NUDT19: variants seen among roughly 807,000 people sequenced by gnomAD.
The protein encoded by NUDT19 is nudix hydrolase 19, also known as acyl-coenzyme A diphosphatase NUDT19.
A neutral mutation model predicts 22.2 loss-of-function variants in NUDT19; 31 were observed. That is an observed-to-expected ratio of 1.40 (90% CI 1.05 to 1.89). The LOEUF is 1.89. Among genes scored for constraint, NUDT19 ranks in the 40% most tolerant of loss-of-function variants. The pLI, the probability that NUDT19 is intolerant of heterozygous loss-of-function variation, is 0.00. For synonymous variants in NUDT19, 325 were observed against 230.8 expected (o/e 1.41, Z -3.70); for missense variants, 752 against 514.2 (o/e 1.46, Z -4.47).
chr19:32,701,199 G>GTTTTTTTTT (rs3042685), intron 1 of NUDT19, among the ~76,000 whole-genome samples: 1 of 101,032 alleles, frequency 9.9e-6, no homozygotes. Context: ...CATCTTGCAG[G>GTTTTTTTTT]TTTTTTTTTT....
rs142636976 is a variant in NUDT19 at position 32,712,245 on chromosome 19, T to A, written c.*288T>A. 1.5e-5 allele frequency: 4 copies of A among 270,304 alleles called. No homozygotes were observed. The highest frequency in any genetic ancestry group is 9.0e-5 in the East Asian group (1 of 11,116). The allele number at this position is 270,304 out of a possible 1,614,324, so 16.7% of individuals were successfully genotyped here. A position where few individuals can be genotyped will look rare whatever the true frequency, so the allele number is the denominator to read the frequency against. On this transcript the variant is annotated 3_prime_UTR_variant, in exon 3 of 3. Transcript: ENST00000397061. ...GCCCGCCACCATGCCCAGCTAATTT[T>A]TTTTTGTATTTTTAGTAGAGACGGG...
At chr19:32,703,770 C>T (rs1277282473) in intron 1 of NUDT19, among the ~76,000 whole-genome samples, 2 of 142,138 alleles carry the variant, frequency 1.4e-5, no homozygotes, top group African/African-American at 5.2e-5. Flanking sequence ...TCAAGTGATT[C>T]TCCTGCCTCA....
chr19:32,707,550 A>G (rs993985453), intron 1 of NUDT19, among the ~76,000 whole-genome samples: 3 of 152,332 alleles, frequency 2.0e-5, no homozygotes, highest in African/African-American at 4.8e-5. Context: ...AACCAAGTAA[A>G]GAACAACCTT....
chr19:32,692,750 C>G lies in NUDT19; in HGVS notation c.714+76C>G, dbSNP rs1259756278. The G allele has an allele frequency of 6.8e-6, 8 of 1,176,242 alleles. No homozygotes were observed. The Admixed American group carries it at 1.4e-4, about 20-fold the overall frequency. The allele number at this position is 1,176,242 out of a possible 1,614,324, so 72.9% of individuals were successfully genotyped here. ...GACCCCTCCCAGCGGCCCAGGCCCC[C>G]AAGGGACCCCCGCATAGGCCAAGCC... is the stretch of plus-strand genomic sequence containing the variant. On this transcript the variant is annotated intron_variant, in intron 1 of 2. Transcript: ENST00000397061.
At chr19:32,697,501 C>T (rs772909413) in intron 1 of NUDT19, among the ~76,000 whole-genome samples, 5 of 152,096 alleles carry the variant, frequency 3.3e-5, no homozygotes, top group Non-Finnish European at 5.9e-5. Context: ...TGGGCTTTTT[C>T]CTAATACTCC....
At position 32,692,554 on chromosome 19, in the gene NUDT19, C is replaced by T. The variant is rs994040130; in HGVS notation, c.594C>T (p.Ser198=). Reference sequence around the variant, plus strand: ...ACATCTGGGCGCTGCACAACTGGAGCGCCTGGCTCACCCCTTTCTTGCGGG... The same window carrying T: ...ACATCTGGGCGCTGCACAACTGGAGTGCCTGGCTCACCCCTTTCTTGCGGG... ...TPDIWALHNW[S]AWLTPFLRGT... The change falls in exon 1 of 3, where the codon AGC becomes AGT. Residue 198 remains serine (S), a synonymous_variant. Coordinates refer to ENST00000397061, the MANE Select transcript of NUDT19 (RefSeq NM_001105570.2). The T allele has an allele frequency of 1.3e-6, 2 of 1,597,112 alleles. No homozygotes were observed. Among genetic ancestry groups the T allele is most frequent in the Non-Finnish European group, 1.7e-6 (2 of 1,173,836 alleles).
At chr19:32,694,362 T>A (rs1209369950) in intron 1 of NUDT19, among the ~76,000 whole-genome samples, 1 of 152,178 alleles carries the variant, frequency 6.6e-6, no homozygotes, top group Non-Finnish European at 1.5e-5. Flanking sequence ...AGTGAGGAGG[T>A]CTAGGCCTCG....
At position 32,712,371 on chromosome 19, in the gene NUDT19, C is replaced by T. The variant is rs1968457744; in HGVS notation, c.*414C>T. 7.1e-6 allele frequency: 1 copy of T among 140,486 alleles called. No individual in the cohort carries two copies. The highest frequency in any genetic ancestry group is 2.8e-5 in the African/African-American group (1 of 35,992). 8.7% of individuals were successfully genotyped at this position (140,486 alleles called of 1,614,324 possible). On this transcript the variant is annotated 3_prime_UTR_variant, in exon 3 of 3. Transcript: ENST00000397061. ...GGATTACAGGTGTGGGCCACCACAC[C>T]CAGCCTTTTTTTTTTTTTTTTTTTT...
In NUDT19 at chr19:32,712,232, GC is replaced by G; in HGVS notation, c.*278del. 1 of 297,672 alleles carries G rather than the reference GC, an allele frequency of 3.4e-6. No homozygotes were observed. Among genetic ancestry groups the G allele is most frequent in the Non-Finnish European group, 6.3e-6 (1 of 159,738 alleles). The allele number at this position is 297,672 out of a possible 1,614,324, so 18.4% of individuals were successfully genotyped here. On this transcript the variant is annotated 3_prime_UTR_variant, in exon 3 of 3. Transcript: ENST00000397061. ...TGGGACTACAGGCGCCCGCCACCAT[GC>G]CCAGCTAATTTTTTTTTGTATTTTT...
chr19:32,704,975 C>G lies in NUDT19; in HGVS notation c.715-4210C>G, dbSNP rs533503912. Among the ~76,000 whole-genome samples the G allele has an allele frequency of 3.2e-4, 49 of 151,734 alleles. No homozygotes were observed. In the South Asian group the frequency reaches 0.01, roughly 31 times the overall value. On this transcript the variant is annotated intron_variant, in intron 1 of 2. Transcript: ENST00000397061. Reference sequence around the variant, plus strand: ...TACAAAAATTAGCTGGGCATGGTGGCAGGCACCTGTAATCCCAGCTACTTG... The same window carrying G: ...TACAAAAATTAGCTGGGCATGGTGGGAGGCACCTGTAATCCCAGCTACTTG...
In NUDT19 at chr19:32,692,556, C is replaced by T. The variant is rs2145353594; in HGVS notation, c.596C>T (p.Ala199Val). 6.3e-7 allele frequency: 1 copy of T among 1,597,520 alleles called. No individual in the cohort carries two copies. The highest frequency in any genetic ancestry group is 8.5e-7 in the Non-Finnish European group (1 of 1,174,038). The change falls in exon 1 of 3, where the codon GCC (alanine) becomes GTC (valine). Residue 199 changes from alanine to valine, a missense_variant. Ala to Val is a moderately conservative substitution (Grantham distance 64, BLOSUM62 0). Coordinates refer to ENST00000397061, the MANE Select transcript of NUDT19 (RefSeq NM_001105570.2). ...PDIWALHNWS[A>V]WLTPFLRGTT... Reference sequence around the variant, plus strand: ...ATCTGGGCGCTGCACAACTGGAGCGCCTGGCTCACCCCTTTCTTGCGGGGC... The same window carrying T: ...ATCTGGGCGCTGCACAACTGGAGCGTCTGGCTCACCCCTTTCTTGCGGGGC...
chr19:32,692,567 C>G lies in NUDT19; in HGVS notation c.607C>G (p.Pro203Ala). The change falls in exon 1 of 3, where the codon CCT (proline) becomes GCT (alanine). Residue 203 changes from proline (P) to alanine (A), a missense_variant. Transcript: ENST00000397061. ...ALHNWSAWLT[P>A]FLRGTTRRFD... is the part of the protein sequence containing the mutation. ...GCACAACTGGAGCGCCTGGCTCACCCCTTTCTTGCGGGGCACCACTCGCCG... is the reference window on the plus strand; with the variant it reads ...GCACAACTGGAGCGCCTGGCTCACCGCTTTCTTGCGGGGCACCACTCGCCG... 2 of 1,597,374 alleles carry G rather than the reference C, an allele frequency of 1.3e-6. No homozygotes were observed. The highest frequency in any genetic ancestry group is 1.7e-6 in the Non-Finnish European group (2 of 1,173,980).
At chr19:32,702,276 C>G (rs1968343798) in intron 1 of NUDT19, among the ~76,000 whole-genome samples, 1 of 152,178 alleles carries the variant, frequency 6.6e-6, no homozygotes, top group South Asian at 2.1e-4. Context: ...AATTAAGCAC[C>G]TGCGGTAGAT....
intron 2 of NUDT19, among the ~76,000 whole-genome samples, chr19:32,710,438 A>C (rs1968434637): frequency 7.4e-6 from 1 of 135,214 alleles, no homozygotes; most frequent in Non-Finnish European, 1.6e-5. Context: ...AAAAAAAAAA[A>C]CAAATTAGCC....
Position 32,711,969 on chromosome 19 carries a change from T to C in NUDT19, c.*12T>C. 6.3e-7 allele frequency: 1 copy of C among 1,580,478 alleles called. No individual in the cohort carries two copies. Among genetic ancestry groups the C allele is most frequent in the East Asian group, 2.2e-5 (1 of 44,702 alleles). ...AAAGCCATTTGTAGGGTGCTTAAGC[T>C]TGTTTGTAAAATGGCCTACTTGAAG... On this transcript the variant is annotated 3_prime_UTR_variant, in exon 3 of 3. Coordinates refer to ENST00000397061, the MANE Select transcript of NUDT19 (RefSeq NM_001105570.2).
Position 32,692,143 on chromosome 19 carries a change from C to A in NUDT19, c.183C>A (p.Val61=). 4 of 1,495,706 alleles carry A rather than the reference C, an allele frequency of 2.7e-6. No individual in the cohort carries two copies. The highest frequency in any genetic ancestry group is 3.5e-6 in the Non-Finnish European group (4 of 1,132,032). The allele number at this position is 1,495,706 out of a possible 1,614,324, so 92.7% of individuals were successfully genotyped here. A position where few individuals can be genotyped will look rare whatever the true frequency, so the allele number is the denominator to read the frequency against. The change falls in exon 1 of 3, where the codon GTC becomes GTA. Residue 61 remains valine, a synonymous_variant. Transcript: ENST00000397061. ...AAGGCTTCATGCCGGGCGCGCACGTCTTCTCCGGCGGAGTGCTGGATGCGG... is the reference window on the plus strand; with the variant it reads ...AAGGCTTCATGCCGGGCGCGCACGTATTCTCCGGCGGAGTGCTGGATGCGG... ...PHQGFMPGAH[V]FSGGVLDAAD... is the part of the protein sequence containing the mutation.
Position 32,707,801 on chromosome 19 carries a change from AC to A in NUDT19, c.715-1380del, listed in dbSNP as rs58107361. Among the ~76,000 whole-genome samples, 996 of 151,834 alleles carry A rather than the reference AC, an allele frequency of 6.6e-3. 13 individuals are homozygous for A. The highest frequency in any genetic ancestry group is 0.023 in the African/African-American group (936 of 41,412). On this transcript the variant is annotated intron_variant, in intron 1 of 2. Transcript: ENST00000397061. The stretch of plus-strand genomic sequence containing the variant: ...AGACCATCCTGGTGAACACGGTGAA[AC>A]CCCGTCTCTACTAAAAATACAAAAA...
At chr19:32,704,121 C>G (rs888633171) in intron 1 of NUDT19, among the ~76,000 whole-genome samples, 2 of 152,030 alleles carry the variant, frequency 1.3e-5, no homozygotes, top group African/African-American at 2.4e-5. Context: ...AACTATTTTG[C>G]CTTTGTTTTT....
intron 1 of NUDT19, 131 bp downstream of exon 1, chr19:32,692,805 G>A: frequency 1.6e-6 from 1 of 624,556 alleles, no homozygotes; most frequent in Non-Finnish European, 2.5e-6. Context: ...GGAACGCTTA[G>A]ACGGGCTGGA....
Sources: allele counts gnomAD v4.1 joint callset (sites outside exome capture counted in the v4.1 genomes callset), GRCh38; gene constraint gnomAD v4.1.1; transcripts MANE v1.5; gene names NCBI Gene and HGNC (gene_info 2026-07-23, HGNC 2026-07-21).